The following CCDC171 variants were observed in gnomAD, a reference collection of about 807,000 sequenced individuals.
CCDC171 encodes coiled-coil domain-containing protein 171.
CCDC171 carries 177 observed loss-of-function variants against 168.2 expected under a neutral mutation model. The ratio of observed to expected loss-of-function variants is 1.05; its 90% CI spans 0.93 to 1.19. The LOEUF (loss-of-function observed/expected upper bound fraction) is 1.19, where lower values mean the gene tolerates loss of function less well. Among genes scored for constraint, CCDC171 ranks in the 50% most tolerant of loss-of-function variants. CCDC171 has a pLI of 0.00. For synonymous variants in CCDC171, 687 were observed against 540.8 expected, an observed-to-expected ratio of 1.27 and a Z score of -3.75; for missense variants, 1,991 against 1,539.0, an observed-to-expected ratio of 1.29 and a Z score of -4.91.
rs140572010 is a variant in CCDC171, at chr9:15,741,386, A to C, written c.2050-2887A>C. On this transcript the variant is annotated intron_variant, in intron 16 of 25. Coordinates refer to ENST00000380701, the MANE Select transcript of CCDC171 (RefSeq NM_173550.4). Reference sequence around the variant, plus strand: ...TATTTTGTATAAATGGAGTCATACAAATGTGGCCTTTTGTGTCTGGTTTCT... The same window carrying C: ...TATTTTGTATAAATGGAGTCATACACATGTGGCCTTTTGTGTCTGGTTTCT... 3.6e-3 allele frequency among the ~76,000 whole-genome samples: 544 copies of C among 152,310 alleles called. 1 individual carries two copies. The highest frequency in any genetic ancestry group is 6.0e-3 in the Non-Finnish European group (407 of 68,018).
intron 4 of CCDC171, 142 bp downstream of exon 4, chr9:15,579,165 G>A (rs892557477): frequency 3.5e-6 from 2 of 579,610 alleles, no homozygotes; most frequent in South Asian, 3.4e-5. Context: ...GACTTAGCTG[G>A]GTATGTATAA....
intron 25 of CCDC171, 148 bp downstream of exon 25, chr9:15,920,570 G>A: frequency 1.7e-6 from 1 of 587,294 alleles, no homozygotes. Flanking sequence ...TTTGTGTGGA[G>A]AAAAATTTGA....
intron 21 of CCDC171, among the ~76,000 whole-genome samples, chr9:15,814,542 TTTGAGA>T (rs1563792711): frequency 6.6e-6 from 1 of 152,166 alleles, no homozygotes; most frequent in Non-Finnish European, 1.5e-5. Context: ...GCTTACTAAG[TTTGAGA>T]TTAAGAATGA....
At chr9:15,934,861 G>A (rs948087761) in intron 25 of CCDC171, among the ~76,000 whole-genome samples, 28 of 152,018 alleles carry the variant, frequency 1.8e-4, no homozygotes, top group African/African-American at 6.8e-4. Context: ...TTACAACATG[G>A]ATGCACTGTG....
At chr9:15,915,825 AT>A (rs1418240729) in intron 24 of CCDC171, among the ~76,000 whole-genome samples, 1 of 152,138 alleles carries the variant, frequency 6.6e-6, no homozygotes, top group African/African-American at 2.4e-5. Context: ...TCATGATGGT[AT>A]ACTGAATTTT....
chr9:15,943,147 G>A (rs1047288940), intron 25 of CCDC171, among the ~76,000 whole-genome samples: 1 of 151,958 alleles, frequency 6.6e-6, no homozygotes, highest in Non-Finnish European at 1.5e-5. Context: ...GTGTTTCTCA[G>A]CATTGTTAAC....
chr9:15,747,536 G>A (rs888450794), intron 18 of CCDC171, among the ~76,000 whole-genome samples: 5 of 152,178 alleles, frequency 3.3e-5, no homozygotes, highest in Non-Finnish European at 7.4e-5. Flanking sequence ...CCTCTGGGAC[G>A]AAGCTTCCAG....
chr9:15,588,013 G>C (rs569071252), intron 4 of CCDC171, among the ~76,000 whole-genome samples: 3 of 152,094 alleles, frequency 2.0e-5, no homozygotes, highest in Non-Finnish European at 4.4e-5. Context: ...GAGGCAGGTG[G>C]ATCATGAGGT....
chr9:16,067,636 T>A, the CCDC171 span, among the ~76,000 whole-genome samples: 6 of 152,348 alleles, frequency 3.9e-5, no homozygotes, highest in African/African-American at 9.6e-5. Flanking sequence ...AATTAATTTT[T>A]GTATAAGGTG....
chr9:15,646,263 G>C (rs1384688828), intron 7 of CCDC171, among the ~76,000 whole-genome samples: 3 of 152,088 alleles, frequency 2.0e-5, no homozygotes, highest in Non-Finnish European at 2.9e-5. Flanking sequence ...AACATGGAAA[G>C]GAAAAACTGA....
At chr9:16,052,965 C>T (rs1432416831) in intron 1 of CCDC171, among the ~76,000 whole-genome samples, 2 of 152,148 alleles carry the variant, frequency 1.3e-5, no homozygotes, top group African/African-American at 2.4e-5. Context: ...GATGGACTTC[C>T]GCTCTTCCCT....
At chr9:15,857,642 T>A (rs1588878111) in intron 23 of CCDC171, among the ~76,000 whole-genome samples, 1 of 151,598 alleles carries the variant, frequency 6.6e-6, no homozygotes, top group Admixed American at 6.6e-5. Context: ...AGGCTGGTCT[T>A]GAACTCCTGT....
intron 6 of CCDC171, among the ~76,000 whole-genome samples, chr9:15,614,585 A>G (rs2043949537): frequency 6.6e-6 from 1 of 152,110 alleles, no homozygotes; most frequent in East Asian, 1.9e-4. Context: ...TTTTGGTGCT[A>G]CCCCATTCTG....
chr9:15,564,056 T>C lies in CCDC171; in HGVS notation c.-33T>C, dbSNP rs778803342. 6 of 1,542,826 alleles carry C rather than the reference T, an allele frequency of 3.9e-6. No homozygotes were observed. In the South Asian group the frequency reaches 6.8e-5, roughly 18 times the overall value. ...AAGAAAGAAATATGTCATTAAGAAA[T>C]AGCAGGGTATTTTGAAAGAGTTGGA... On this transcript the variant is annotated 5_prime_UTR_variant, in exon 2 of 26. Coordinates refer to ENST00000380701, the MANE Select transcript of CCDC171 (RefSeq NM_173550.4).
intron 5 of CCDC171, among the ~76,000 whole-genome samples, chr9:15,592,286 G>A (rs1173320084): frequency 6.6e-6 from 1 of 151,670 alleles, no homozygotes; most frequent in East Asian, 1.9e-4. Flanking sequence ...CCATGATTGG[G>A]CCTATGAATA....
intron 11 of CCDC171, among the ~76,000 whole-genome samples, chr9:15,698,456 G>A (rs533318455): frequency 6.7e-5 from 10 of 149,966 alleles, no homozygotes; most frequent in Non-Finnish European, 1.5e-4. Flanking sequence ...GGGAGGCGGA[G>A]CTTGCAGTGA....
intron 25 of CCDC171, among the ~76,000 whole-genome samples, chr9:15,953,390 G>T (rs1367455665): frequency 4.6e-5 from 7 of 152,132 alleles, no homozygotes; most frequent in African/African-American, 1.7e-4. Context: ...AAATTAGGAA[G>T]CAGTATTAAA....
intron 21 of CCDC171, among the ~76,000 whole-genome samples, chr9:15,792,154 G>A (rs10962163): frequency 0.45 from 69,107 of 151,998 alleles, 16,060 homozygotes; most frequent in East Asian, 0.65. Flanking sequence ...GAAAACCATG[G>A]CACAAGAACT....
At chr9:15,660,272 A>G (rs1260762623) in intron 8 of CCDC171, among the ~76,000 whole-genome samples, 3 of 152,224 alleles carry the variant, frequency 2.0e-5, no homozygotes, top group African/African-American at 7.2e-5. Context: ...TCAATAAGTA[A>G]TAAGACTGAA....
Sources: allele counts gnomAD v4.1 joint callset (sites outside exome capture counted in the v4.1 genomes callset), GRCh38; gene constraint gnomAD v4.1.1; transcripts MANE v1.5; gene names NCBI Gene and HGNC (gene_info 2026-07-23, HGNC 2026-07-21).